Variants in NEGR1 observed in about 807,000 individuals in gnomAD.
NEGR1 encodes IgLON family member 4.
NEGR1 carries 10 observed loss-of-function variants against 40.9 expected under a neutral mutation model. The ratio of observed to expected loss-of-function variants is 0.24; its 90% CI spans 0.15 to 0.42. NEGR1 has a LOEUF of 0.42. Among genes scored for constraint, NEGR1 ranks in the 10% least tolerant of loss-of-function variants. The pLI is 1.00. For missense variants in NEGR1, 352 were observed against 438.9 expected (o/e 0.80, Z 1.77); for synonymous variants, 185 against 166.8 (o/e 1.11, Z -0.84).
At chr1:71,779,010 C>A (rs562363333) in intron 2 of NEGR1, among the ~76,000 whole-genome samples, 1 of 152,086 alleles carries the variant, frequency 6.6e-6, no homozygotes, top group South Asian at 2.1e-4. Flanking sequence ...TCAGTGATTG[C>A]AATTGCCTTC....
At chr1:72,111,155 C>T (rs1649357285) in intron 1 of NEGR1, among the ~76,000 whole-genome samples, 1 of 151,072 alleles carries the variant, frequency 6.6e-6, no homozygotes, top group African/African-American at 2.4e-5. Context: ...TCTCATTTCT[C>T]AGGTTCTCGT....
At chr1:71,450,048 C>A (rs1469349601) in intron 6 of NEGR1, among the ~76,000 whole-genome samples, 1 of 148,536 alleles carries the variant, frequency 6.7e-6, no homozygotes, top group Admixed American at 6.8e-5. Context: ...TAGAGTGCAG[C>A]GGTCCACTCT....
chr1:71,709,687 C>G (rs1480833436), intron 3 of NEGR1, among the ~76,000 whole-genome samples: 1 of 152,144 alleles, frequency 6.6e-6, no homozygotes, highest in Non-Finnish European at 1.5e-5. Context: ...AACTAGATTC[C>G]TGTTTCTCAA....
At chr1:72,065,790 A>G (rs2046503) in intron 1 of NEGR1, among the ~76,000 whole-genome samples, 62,458 of 152,002 alleles carry the variant, frequency 0.41, 13,573 homozygotes, top group Non-Finnish European at 0.49. Flanking sequence ...AGCTTCATTT[A>G]CATTACTGCA....
chr1:71,900,458 C>G (rs1248618036), intron 2 of NEGR1, among the ~76,000 whole-genome samples: 8 of 151,602 alleles, frequency 5.3e-5, no homozygotes, highest in Admixed American at 3.3e-4. Context: ...TGTAAAAATC[C>G]CTAAGCATAT....
At chr1:72,145,989 A>C (rs1650892749) in intron 1 of NEGR1, among the ~76,000 whole-genome samples, 1 of 133,804 alleles carries the variant, frequency 7.5e-6, no homozygotes, top group African/African-American at 2.8e-5. Context: ...CAGCATTCTC[A>C]GAGTTTCCTC....
rs544116067 is a variant in NEGR1, at chr1:71,599,872, A to T, written c.789-6904T>A. 2.0e-5 allele frequency among the ~76,000 whole-genome samples: 3 copies of T among 152,316 alleles called. No individual in the cohort carries two copies. The South Asian group carries it at 6.2e-4, about 32-fold the overall frequency. ...GTTAAATAAACAATGGCTACAGTAC[A>T]GATGTCAAGCCTCCCTGACTGCTGT... On this transcript the variant is annotated intron_variant, in intron 5 of 6. Coordinates refer to ENST00000357731, the MANE Select transcript of NEGR1 (RefSeq NM_173808.3).
chr1:71,526,991 T>C (rs1240809911), intron 6 of NEGR1, among the ~76,000 whole-genome samples: 2 of 151,608 alleles, frequency 1.3e-5, no homozygotes, highest in Non-Finnish European at 3.0e-5. Context: ...GAACTGTTTG[T>C]CTAGAATGGC....
intron 6 of NEGR1, among the ~76,000 whole-genome samples, chr1:71,460,996 G>T (rs1297615710): frequency 6.6e-6 from 1 of 151,628 alleles, no homozygotes; most frequent in Non-Finnish European, 1.5e-5. Flanking sequence ...GCTGGTCTCT[G>T]AAAATAAAAT....
intron 6 of NEGR1, among the ~76,000 whole-genome samples, chr1:71,542,971 C>T (rs1647764314): frequency 6.6e-6 from 1 of 151,644 alleles, no homozygotes; most frequent in Non-Finnish European, 1.5e-5. Context: ...TGAATACATA[C>T]ATACACATAC....
chr1:71,797,015 T>C (rs1459576833), intron 2 of NEGR1, among the ~76,000 whole-genome samples: 1 of 152,090 alleles, frequency 6.6e-6, no homozygotes, highest in African/African-American at 2.4e-5. Flanking sequence ...TTGCAGATGG[T>C]GAGAGACAGG....
intron 6 of NEGR1, among the ~76,000 whole-genome samples, chr1:71,574,315 C>G (rs2101496518): frequency 6.6e-6 from 1 of 152,190 alleles, no homozygotes; most frequent in Admixed American, 6.5e-5. Flanking sequence ...TATCTCTGAC[C>G]CAGGAGTCTT....
intron 2 of NEGR1, among the ~76,000 whole-genome samples, chr1:71,824,295 G>A (rs768478216): frequency 1.3e-5 from 2 of 151,598 alleles, no homozygotes; most frequent in Non-Finnish European, 2.9e-5. Flanking sequence ...TTGAAAATAT[G>A]GGCAGTTCAT....
At chr1:72,234,674 CAT>C (rs1294768230) in intron 1 of NEGR1, among the ~76,000 whole-genome samples, 1 of 152,030 alleles carries the variant, frequency 6.6e-6, no homozygotes, top group Non-Finnish European at 1.5e-5. Flanking sequence ...GGCCAACTAT[CAT>C]ATTAATAAAA....
At chr1:71,422,407 A>G (rs889475332) in intron 6 of NEGR1, 9 of 152,226 alleles carry the variant, frequency 5.9e-5, no homozygotes, top group African/African-American at 2.2e-4. Context: ...GAAATGCACA[A>G]ATTGACTACT....
chr1:71,975,964 C>T (rs918420353), intron 1 of NEGR1, among the ~76,000 whole-genome samples: 7 of 152,196 alleles, frequency 4.6e-5, no homozygotes, highest in African/African-American at 1.7e-4. Context: ...CTCCTGAGTG[C>T]AGAGCTTTAG....
chr1:72,001,821 T>A (rs1223327034), intron 1 of NEGR1, among the ~76,000 whole-genome samples: 1 of 151,926 alleles, frequency 6.6e-6, no homozygotes. Flanking sequence ...TCCTAGAGGC[T>A]ACCCTAAAAT....
chr1:72,095,383 T>G (rs562510695), intron 1 of NEGR1, among the ~76,000 whole-genome samples: 8 of 152,178 alleles, frequency 5.3e-5, no homozygotes, highest in African/African-American at 1.7e-4. Flanking sequence ...TTTGGACAAA[T>G]TTACATTGCT....
At chr1:71,710,125 G>A (rs1654031133) in intron 3 of NEGR1, among the ~76,000 whole-genome samples, 1 of 152,118 alleles carries the variant, frequency 6.6e-6, no homozygotes, top group Admixed American at 6.5e-5. Flanking sequence ...ATAGCAAACA[G>A]GCATTTGAAA....
Sources: gnomAD v4.1 joint callset for allele counts (sites outside exome capture counted in the v4.1 genomes callset) on GRCh38, gnomAD v4.1.1 for gene constraint, MANE v1.5 for transcripts, NCBI Gene and HGNC (gene_info 2026-07-23, HGNC 2026-07-21) for gene names.